BCAS3: variants seen among roughly 807,000 people sequenced by gnomAD.
BCAS3 encodes the protein BCAS3 microtubule associated cell migration factor.
In BCAS3, 53 loss-of-function variants were observed where a neutral mutation model predicts 116.1. That is an observed-to-expected ratio of 0.46 (90% CI 0.37 to 0.57). The LOEUF (loss-of-function observed/expected upper bound fraction) is 0.57, where lower values mean the gene tolerates loss of function less well. Among genes scored for constraint, BCAS3 ranks in the 20% least tolerant of loss-of-function variants. The pLI is 0.00. For synonymous variants in BCAS3, 391 were observed against 408.2 expected, an observed-to-expected ratio of 0.96 and a Z score of 0.51; for missense variants, 917 against 1,165.4, an observed-to-expected ratio of 0.79 and a Z score of 3.10.
intron 13 of BCAS3, among the ~76,000 whole-genome samples, chr17:60,926,641 C>T (rs2059379095): frequency 6.6e-6 from 1 of 152,104 alleles, no homozygotes; most frequent in African/African-American, 2.4e-5. Flanking sequence ...TTGTAGCACT[C>T]CACTTGGAAT....
At chr17:61,370,310 C>G (rs1242540016) in intron 23 of BCAS3, among the ~76,000 whole-genome samples, 1 of 151,474 alleles carries the variant, frequency 6.6e-6, no homozygotes. Context: ...TTGTCCTCCC[C>G]AAACTGTCAC....
intron 19 of BCAS3, chr17:61,069,750 A>G (rs961052525): frequency 1.6e-6 from 1 of 609,796 alleles, no homozygotes; most frequent in East Asian, 2.8e-5. Context: ...AGGTGGGAGG[A>G]TCGCTTGAAC....
chr17:60,712,200 C>CTTTTGTTTT (rs2038014007), intron 5 of BCAS3, among the ~76,000 whole-genome samples: 1 of 140,570 alleles, frequency 7.1e-6, no homozygotes, highest in Non-Finnish European at 1.5e-5. Context: ...ATAGTGAGAC[C>CTTTTGTTTT]TTGTCTCTAC....
chr17:61,211,812 T>C lies in BCAS3; in HGVS notation c.2425+127248T>C, dbSNP rs2081475164. On this transcript the variant is annotated intron_variant, in intron 22 of 23. Coordinates refer to ENST00000407086, the MANE Select transcript of BCAS3 (RefSeq NM_017679.5). This position sits in a 1 kb window ranked among gnomAD's most constrained non-coding sequence, Gnocchi z 4.4. ...GAAGGTCCAGAGTATGTTTACTGGG[T>C]AAAATATTTCAGGCATAGACTTGGA... Among the ~76,000 whole-genome samples the C allele has an allele frequency of 6.6e-6, 1 of 152,220 alleles. No individual in the cohort carries two copies. Among genetic ancestry groups the C allele is most frequent in the Admixed American group, 6.5e-5 (1 of 15,276 alleles).
At position 61,256,979 on chromosome 17, in the gene BCAS3, TA is replaced by T. The variant is rs997312157; in HGVS notation, c.2426-111339del. Reference sequence around the variant, plus strand: ...CTACCAAAATCAAGATTTTTGGATTTAAAAAAAAATTTACATTATGCTTTTT... The same window carrying T: ...CTACCAAAATCAAGATTTTTGGATTTAAAAAAAATTTACATTATGCTTTTT... On this transcript the variant is annotated intron_variant, in intron 22 of 23. Coordinates refer to ENST00000407086, the MANE Select transcript of BCAS3 (RefSeq NM_017679.5). The surrounding 1 kb of genome is among the most constrained non-coding windows in gnomAD (Gnocchi z 5.6). Among the ~76,000 whole-genome samples the T allele has an allele frequency of 2.0e-5, 3 of 151,886 alleles. No homozygotes were observed. Among genetic ancestry groups the T allele is most frequent in the Admixed American group, 6.6e-5 (1 of 15,246 alleles).
intron 15 of BCAS3, among the ~76,000 whole-genome samples, chr17:61,011,877 G>A (rs1257351920): frequency 1.3e-5 from 2 of 151,988 alleles, no homozygotes; most frequent in African/African-American, 4.8e-5. Flanking sequence ...TATTTAATGT[G>A]TATTATTTAC....
At chr17:61,201,759 C>CT (rs34301859) in intron 22 of BCAS3, among the ~76,000 whole-genome samples, 3,791 of 142,196 alleles carry the variant, frequency 0.027, 72 homozygotes, top group Middle Eastern at 0.074. Context: ...AGGAAACTAA[C>CT]TTTTTTTTTT....
At chr17:60,931,758 T>C (rs1254966236) in intron 13 of BCAS3, among the ~76,000 whole-genome samples, 1 of 152,086 alleles carries the variant, frequency 6.6e-6, no homozygotes, top group East Asian at 1.9e-4. Flanking sequence ...ATCAATAAAA[T>C]GGGGGCTAGT....
At chr17:60,701,054 G>T (rs987240750) in intron 4 of BCAS3, among the ~76,000 whole-genome samples, 2 of 151,806 alleles carry the variant, frequency 1.3e-5, no homozygotes, top group African/African-American at 4.9e-5. Flanking sequence ...GACCAGCCTG[G>T]CTAACATGGC....
intron 19 of BCAS3, among the ~76,000 whole-genome samples, chr17:61,054,471 A>C (rs975163072): frequency 6.6e-6 from 1 of 152,148 alleles, no homozygotes; most frequent in East Asian, 1.9e-4. Context: ...GGCTCAGGTG[A>C]TTCTCGTGCC....
Position 61,390,029 on chromosome 17 carries a change from C to G in BCAS3, c.2594-1948C>G, listed in dbSNP as rs995953629. 3 of 152,356 alleles carry G rather than the reference C, an allele frequency of 2.0e-5. No individual in the cohort carries two copies. The highest frequency in any genetic ancestry group is 2.0e-4 in the Admixed American group (3 of 15,292). 9.4% of individuals were successfully genotyped at this position (152,356 alleles called of 1,614,324 possible). On this transcript the variant is annotated intron_variant, in intron 23 of 23. Coordinates refer to ENST00000407086, the MANE Select transcript of BCAS3 (RefSeq NM_017679.5). The surrounding 1 kb of genome is among the most constrained non-coding windows in gnomAD (Gnocchi z 6.8). ...TGCTCCTTCCTCGGGGGCTTTCTTC[C>G]TTAGGCCTGGCGGCCCGATCCTAAG...
At position 61,368,625 on chromosome 17, in the gene BCAS3, C is replaced by A; in HGVS notation, c.2593+131C>A. ...GTTTCTTTAGTTAGCACTCCAGTGGCTATCCGTCTGAGGAGCTCTGGTGTT... is the reference window on the plus strand; with the variant it reads ...GTTTCTTTAGTTAGCACTCCAGTGGATATCCGTCTGAGGAGCTCTGGTGTT... On this transcript the variant is annotated intron_variant, in intron 23 of 23. Coordinates refer to ENST00000407086, the MANE Select transcript of BCAS3 (RefSeq NM_017679.5). The surrounding 1 kb of genome is among the most constrained non-coding windows in gnomAD (Gnocchi z 6.0). 9.2e-7 allele frequency: 1 copy of A among 1,088,320 alleles called. No individual in the cohort carries two copies. The highest frequency in any genetic ancestry group is 1.3e-6 in the Non-Finnish European group (1 of 779,984). 67.4% of individuals were successfully genotyped at this position (1,088,320 alleles called of 1,614,324 possible). A position where few individuals can be genotyped will look rare whatever the true frequency, so the allele number is the denominator to read the frequency against.
chr17:60,739,459 A>G (rs1407109123), intron 5 of BCAS3, among the ~76,000 whole-genome samples: 2 of 152,048 alleles, frequency 1.3e-5, no homozygotes, highest in Admixed American at 6.5e-5. Context: ...GTCTCTACTA[A>G]AACTACGAAA....
intron 6 of BCAS3, among the ~76,000 whole-genome samples, chr17:60,772,964 T>C (rs991996846): frequency 6.6e-6 from 1 of 152,216 alleles, no homozygotes; most frequent in African/African-American, 2.4e-5. Context: ...CTTCAACTTA[T>C]TTGGGTAAAT....
In BCAS3 at chr17:61,264,398, A is replaced by G. The variant is rs747793526; in HGVS notation, c.2426-103929A>G. Among the ~76,000 whole-genome samples, 16 of 151,844 alleles carry G rather than the reference A, an allele frequency of 1.1e-4. 1 individual carries two copies. Among genetic ancestry groups the G allele is most frequent in the Admixed American group, 6.6e-4 (10 of 15,210 alleles). The stretch of plus-strand genomic sequence containing the variant: ...ATGAAGTAAACCTGTATGTAGTAAC[A>G]TAGGTAAGTCTTTTTTTTTTTTTTT... On this transcript the variant is annotated intron_variant, in intron 22 of 23. Transcript: ENST00000407086.
intron 13 of BCAS3, among the ~76,000 whole-genome samples, chr17:60,936,903 C>A (rs1032828965): frequency 6.6e-6 from 1 of 152,128 alleles, no homozygotes; most frequent in Non-Finnish European, 1.5e-5. Context: ...GTTGCCATTG[C>A]TTTTGGTGTT....
chr17:60,921,479 G>T (rs1245873612), intron 12 of BCAS3, among the ~76,000 whole-genome samples: 7 of 151,442 alleles, frequency 4.6e-5, no homozygotes, highest in African/African-American at 1.7e-4. Flanking sequence ...CGGGCGTAGT[G>T]GCGGGCGCCT....
At chr17:60,963,257 C>T (rs186252662) in intron 14 of BCAS3, among the ~76,000 whole-genome samples, 39 of 151,456 alleles carry the variant, frequency 2.6e-4, no homozygotes, top group African/African-American at 9.2e-4. Context: ...TTTTTTTTTC[C>T]TATTTCTGTA....
chr17:60,876,008 G>T (rs556922316), intron 9 of BCAS3, among the ~76,000 whole-genome samples: 2 of 151,872 alleles, frequency 1.3e-5, no homozygotes, highest in South Asian at 2.1e-4. Flanking sequence ...TATTATCTAC[G>T]TCTGAAAGAT....
Sources: allele counts gnomAD v4.1 joint callset (sites outside exome capture counted in the v4.1 genomes callset), GRCh38; gene constraint gnomAD v4.1.1; non-coding constraint Gnocchi (gnomAD v3.1); transcripts MANE v1.5; gene names NCBI Gene and HGNC (gene_info 2026-07-23, HGNC 2026-07-21).